The following PIDD1 variants were observed in gnomAD, a reference collection of about 807,000 sequenced individuals.
PIDD1 encodes p53-induced death domain protein 1, also known as p53-induced death domain-containing protein 1.
Under a neutral mutation model 80.0 loss-of-function variants are expected in PIDD1, and 72 were observed. That is an observed-to-expected ratio of 0.90 (90% CI 0.74 to 1.09). The LOEUF is 1.09. PIDD1 is among the 50% of genes least tolerant of loss of function. PIDD1 has a pLI of 0.00. For missense variants in PIDD1, 1,329 were observed against 1,228.3 expected (o/e 1.08, Z -1.23); for synonymous variants, 655 against 543.5 (o/e 1.21, Z -2.85).
Position 801,484 on chromosome 11 carries a change from G to T in PIDD1, c.1443C>A (p.Pro481=), listed in dbSNP as rs1189098920. The T allele has an allele frequency of 6.5e-7, 1 of 1,547,778 alleles. No individual in the cohort carries two copies. The highest frequency in any genetic ancestry group is 8.7e-7 in the Non-Finnish European group (1 of 1,144,694). ...SGHPGVKVIF[P]PGATEEPRRV... ...GACGAGGCTCCTCAGTGGCCCCAGG[G>T]GGGAAGATGACTTTGACCCCAGGAT... The change falls in exon 8 of 16, where the codon CCC becomes CCA. Residue 481 remains proline (P), a synonymous_variant. Transcript: ENST00000347755.
chr11:803,578 C>T lies in PIDD1; in HGVS notation c.305G>A (p.Arg102His), dbSNP rs1230684289. ...LRSLVLKGGQ[R>H]RDTLGACLRG... Reference sequence around the variant, plus strand: ...GAGACAGGCACCCAGTGTGTCCCGGCGTTGCCCTCCTGGGAAGGGGGGAGG... The same window carrying T: ...GAGACAGGCACCCAGTGTGTCCCGGTGTTGCCCTCCTGGGAAGGGGGGAGG... Residue 102 changes from arginine to histidine, a missense_variant, in exon 3 of 16, where the codon CGC becomes CAC. Transcript: ENST00000347755. 8 of 1,606,948 alleles carry T rather than the reference C, an allele frequency of 5.0e-6. No homozygotes were observed. Among genetic ancestry groups the T allele is most frequent in the African/African-American group, 2.7e-5 (2 of 74,884 alleles).
chr11:802,658 T>C (rs1210818332), intron 4 of PIDD1, 24 bp downstream of exon 4: 1 of 1,607,498 alleles, frequency 6.2e-7, no homozygotes, highest in Non-Finnish European at 8.5e-7. Flanking sequence ...ATCCCAGGTC[T>C]GCCCCTTCTA....
chr11:800,335 G>C lies in PIDD1; in HGVS notation c.2158C>G (p.Gln720Glu). The C allele has an allele frequency of 1.2e-6, 2 of 1,612,860 alleles. No individual in the cohort carries two copies. The highest frequency in any genetic ancestry group is 1.7e-6 in the Non-Finnish European group (2 of 1,179,976). ...CCTCACCCACTCCCCTCGCCCACCT[G>C]GCCCCGCACAGCCTGAGCCTCCCGG... ...LDREAQAVRG[Q>E]VSFYRGAVPV... The change falls in exon 13 of 16, where the codon CAG becomes GAG. Residue 720 changes from glutamine (Q) to glutamate (E), a missense_variant and splice_region_variant. Transcript: ENST00000347755.
chr11:807,554 G>A (rs962367432), upstream of PIDD1, among the ~76,000 whole-genome samples: 2 of 151,886 alleles, frequency 1.3e-5, no homozygotes, highest in African/African-American at 2.4e-5. Flanking sequence ...GAGGAGGGTA[G>A]ATCACGAGGT....
At chr11:805,272 G>A (rs1339968950), upstream of PIDD1, 2 of 968,188 alleles carry the variant, frequency 2.1e-6, no homozygotes, top group Non-Finnish European at 2.5e-6. Flanking sequence ...GGGGACTGCA[G>A]ACCCCGCCCC....
chr11:801,917 A>G (rs749870958), intron 7 of PIDD1, 48 bp downstream of exon 7: 6 of 1,588,654 alleles, frequency 3.8e-6, no homozygotes, highest in Middle Eastern at 3.3e-4. Flanking sequence ...TGCACGGCTC[A>G]GGGCAGCAGC....
At chr11:805,606 C>T, upstream of PIDD1, 1 of 985,066 alleles carries the variant, frequency 1.0e-6, no homozygotes, top group Non-Finnish European at 1.2e-6. Flanking sequence ...TGCCGCTGCC[C>T]CGCACCCACC....
At chr11:801,151 C>G in intron 9 of PIDD1, 31 bp from the exon 10 acceptor site, 1 of 1,547,310 alleles carries the variant, frequency 6.5e-7, no homozygotes, top group Non-Finnish European at 8.7e-7. Context: ...GAGCTGAGGC[C>G]TCCTGGCCGG....
chr11:802,314 G>T lies in PIDD1; in HGVS notation c.1057C>A (p.Pro353Thr). ...AGCAGCCGATAGCGGATGGTGATGGGGGTGGCGGTGGCTCCCGCTGGGAAC... is the reference window on the plus strand; with the variant it reads ...AGCAGCCGATAGCGGATGGTGATGGTGGTGGCGGTGGCTCCCGCTGGGAAC... ...LQFPAGATAT[P>T]ITIRYRLLLP... Residue 353 changes from proline to threonine, a missense_variant, in exon 6 of 16, where the codon CCC becomes ACC. Physicochemically the swap from Pro to Thr is conservative, Grantham distance 38 (BLOSUM62 -1). Coordinates refer to ENST00000347755, the MANE Select transcript of PIDD1 (RefSeq NM_145886.4). 1 of 1,612,140 alleles carries T rather than the reference G, an allele frequency of 6.2e-7. No homozygotes were observed. Among genetic ancestry groups the T allele is most frequent in the Non-Finnish European group, 8.5e-7 (1 of 1,179,762 alleles).
upstream of PIDD1, among the ~76,000 whole-genome samples, chr11:806,940 C>T (rs1865803018): frequency 6.6e-6 from 1 of 152,136 alleles, no homozygotes; most frequent in Non-Finnish European, 1.5e-5. Flanking sequence ...GCCAGTAATC[C>T]CAACATTTTG....
chr11:800,530 C>G lies in PIDD1; in HGVS notation c.2041+13G>C. On this transcript the variant is annotated intron_variant, in intron 12 of 15. Coordinates refer to ENST00000347755, the MANE Select transcript of PIDD1 (RefSeq NM_145886.4). ...CCCCCTCCAGGGCAGGGAGCATCCA[C>G]CAGCATCCCTACCAGCATCCACGTC... is the stretch of plus-strand genomic sequence containing the variant. 1 of 1,455,446 alleles carries G rather than the reference C, an allele frequency of 6.9e-7. No homozygotes were observed. The highest frequency in any genetic ancestry group is 9.5e-7 in the Non-Finnish European group (1 of 1,057,450). The allele number at this position is 1,455,446 out of a possible 1,614,324, so 90.2% of individuals were successfully genotyped here. A position where few individuals can be genotyped will look rare whatever the true frequency, so the allele number is the denominator to read the frequency against.
upstream of PIDD1, chr11:805,531 C>T (rs1865726269): frequency 8.3e-6 from 7 of 847,200 alleles, no homozygotes; most frequent in African/African-American, 1.8e-5. Flanking sequence ...TCTCGGGGCC[C>T]CGGGCCGCTC....
Position 802,754 on chromosome 11 carries a change from G to A in PIDD1, c.847C>T (p.Leu283=), listed in dbSNP as rs778642631. 3 of 1,610,770 alleles carry A rather than the reference G, an allele frequency of 1.9e-6. No homozygotes were observed. The change falls in exon 4 of 16, where the codon CTA becomes TTA. Residue 283 remains leucine, a synonymous_variant. Transcript: ENST00000347755. ...NQLRDLPPEL[L]DAPFVRLQGN... ...TGCAGGCGCACAAAGGGGGCGTCTA[G>A]CAGCTCAGGGGGCAGGTCCCGGAGC...
intron 1 of PIDD1, 26 bp from the exon 2 acceptor site, chr11:804,489 C>CGGGAGCCGGGGT: frequency 3.4e-6 from 5 of 1,457,118 alleles, no homozygotes; most frequent in Non-Finnish European, 4.5e-6. Flanking sequence ...GAGGAGTGAG[C>CGGGAGCCGGGGT]GGGAGCCGGG....
chr11:802,795 T>G lies in PIDD1; in HGVS notation c.806A>C (p.Asp269Ala). ...LARLPLLTRLDLRDNQLRDLP... is the reference protein window; with the variant it reads ...LARLPLLTRLALRDNQLRDLP... Reference sequence around the variant, plus strand: ...GTCCCGGAGCTGGTTGTCCCTCAGGTCGAGCCGGGTGAGGAGTGGAAGGCG... The same window carrying G: ...GTCCCGGAGCTGGTTGTCCCTCAGGGCGAGCCGGGTGAGGAGTGGAAGGCG... Residue 269 changes from aspartate (D) to alanine (A), a missense_variant, in exon 4 of 16, where the codon GAC becomes GCC. Transcript: ENST00000347755. 6.2e-7 allele frequency: 1 copy of G among 1,605,356 alleles called. No individual in the cohort carries two copies. Among genetic ancestry groups the G allele is most frequent in the Non-Finnish European group, 8.5e-7 (1 of 1,176,754 alleles).
chr11:801,709 C>T (rs577541545), intron 7 of PIDD1, 85 bp from the exon 8 acceptor site: 377 of 1,174,032 alleles, frequency 3.2e-4, no homozygotes, highest in Non-Finnish European at 3.3e-4. Flanking sequence ...CCAGGAGAGA[C>T]GGGGCGGGGT....
At position 800,439 on chromosome 11, in the gene PIDD1, C is replaced by A; in HGVS notation, c.2054G>T (p.Cys685Phe). The change falls in exon 13 of 16, where the codon TGT becomes TTT. Residue 685 changes from cysteine to phenylalanine, a missense_variant. Transcript: ENST00000347755. ...GACAAAGCAGATTCTGCCCTCCACA[C>A]AGTCAGGGCGGTCTAGGGGACAGGG... The part of the protein sequence containing the change: ...GIDVDADRPD[C>F]VEGRICFVFY... 6.2e-7 allele frequency: 1 copy of A among 1,612,586 alleles called. No individual in the cohort carries two copies. The highest frequency in any genetic ancestry group is 8.5e-7 in the Non-Finnish European group (1 of 1,179,986).
intron 2 of PIDD1, 143 bp from the exon 3 acceptor site, chr11:803,730 G>C: frequency 1.0e-6 from 1 of 957,868 alleles, no homozygotes; most frequent in Non-Finnish European, 1.5e-6. Flanking sequence ...CAGACAGACA[G>C]AAACACTGGA....
At chr11:805,699 C>T, upstream of PIDD1, 1 of 985,316 alleles carries the variant, frequency 1.0e-6, no homozygotes, top group East Asian at 1.1e-4. Context: ...AGGACCTCCT[C>T]TCTGGGCCTG....
Sources: gnomAD v4.1 joint callset for allele counts (sites outside exome capture counted in the v4.1 genomes callset) on GRCh38, gnomAD v4.1.1 for gene constraint, MANE v1.5 for transcripts, NCBI Gene and HGNC (gene_info 2026-07-23, HGNC 2026-07-21) for gene names.